The following ANKRD10 variants were observed in gnomAD, a reference collection of about 807,000 sequenced individuals.
The protein encoded by ANKRD10 is ankyrin repeat domain 10.
ANKRD10 carries 14 observed loss-of-function variants against 27.0 expected under a neutral mutation model. That is an observed-to-expected ratio of 0.52 (90% confidence interval 0.34 to 0.81). The LOEUF is 0.81. Ranked by LOEUF, ANKRD10 falls within the 40% of genes least tolerant of loss-of-function variation. The pLI is 0.01. For synonymous variants in ANKRD10, 250 were observed against 224.5 expected (o/e 1.11, Z -1.01); for missense variants, 493 against 544.0 (o/e 0.91, Z 0.93).
intron 4 of ANKRD10, among the ~76,000 whole-genome samples, chr13:110,887,428 C>T (rs542080130): frequency 2.6e-5 from 4 of 152,306 alleles, no homozygotes; most frequent in East Asian, 1.9e-4. Context: ...CACTCCAGTG[C>T]ACCACTCATA....
intron 3 of ANKRD10, among the ~76,000 whole-genome samples, chr13:110,902,262 T>C (rs2065406328): frequency 6.6e-6 from 1 of 152,156 alleles, no homozygotes; most frequent in Non-Finnish European, 1.5e-5. Flanking sequence ...GGTTACATTT[T>C]GCTAAGGGCA....
At chr13:110,891,248 A>G (rs1395803097) in intron 4 of ANKRD10, among the ~76,000 whole-genome samples, 1 of 152,226 alleles carries the variant, frequency 6.6e-6, no homozygotes, top group Admixed American at 6.5e-5. Context: ...CCAGGCTTTA[A>G]TTAAAGGAAA....
At chr13:110,904,346 T>C (rs2065467786) in intron 3 of ANKRD10, 1 of 151,974 alleles carries the variant, frequency 6.6e-6, no homozygotes, top group Non-Finnish European at 1.5e-5. Flanking sequence ...GAGGGCCCTG[T>C]AACCAAGGAC....
At chr13:110,913,597 A>G (rs1353120419) in intron 1 of ANKRD10, among the ~76,000 whole-genome samples, 1 of 152,212 alleles carries the variant, frequency 6.6e-6, no homozygotes, top group African/African-American at 2.4e-5. Context: ...TCCAAAAGAC[A>G]CAGCTGCTTT....
chr13:110,893,870 G>T (rs1432660207), intron 3 of ANKRD10, among the ~76,000 whole-genome samples: 1 of 152,182 alleles, frequency 6.6e-6, no homozygotes, highest in Non-Finnish European at 1.5e-5. Context: ...AAACCTGCAG[G>T]AGTATTGTAT....
chr13:110,886,289 T>C (rs1330319870), intron 4 of ANKRD10, among the ~76,000 whole-genome samples: 1 of 152,258 alleles, frequency 6.6e-6, no homozygotes, highest in Non-Finnish European at 1.5e-5. Context: ...ACTGCTCCAT[T>C]GAGTAGATGC....
At chr13:110,908,767 G>A (rs1313854282) in intron 2 of ANKRD10, among the ~76,000 whole-genome samples, 1 of 152,088 alleles carries the variant, frequency 6.6e-6, no homozygotes, top group African/African-American at 2.4e-5. Flanking sequence ...ATAATAGAGT[G>A]AGATGATGCC....
intron 4 of ANKRD10, among the ~76,000 whole-genome samples, chr13:110,890,519 C>G (rs541089129): frequency 6.6e-6 from 1 of 152,224 alleles, no homozygotes; most frequent in African/African-American, 2.4e-5. Context: ...AAAGACAGAA[C>G]CATCAGAAGT....
chr13:110,902,239 A>G (rs2065406038), intron 3 of ANKRD10, among the ~76,000 whole-genome samples: 1 of 152,130 alleles, frequency 6.6e-6, no homozygotes. Context: ...ATGAATAGCT[A>G]AAAGTAAATC....
rs10553815 is a variant in ANKRD10, at chr13:110,891,871, CTTTTTTT to C, written c.691+1150_691+1156del. Among the ~76,000 whole-genome samples the C allele has an allele frequency of 2.4e-4, 29 of 121,240 alleles. 1 individual carries two copies. Among genetic ancestry groups the C allele is most frequent in the African/African-American group, 4.0e-4 (13 of 32,230 alleles). The allele number at this position is 121,240 out of a possible 152,430, so 79.5% of individuals were successfully genotyped here. A position where few individuals can be genotyped will look rare whatever the true frequency, so the allele number is the denominator to read the frequency against. ...TATCACATTTACCTTCTTATTAAGA[CTTTTTTT>C]TTTTTTTTTTTTTAAATAGAGACAA... On this transcript the variant is annotated intron_variant, in intron 4 of 5. Coordinates refer to ENST00000267339, the MANE Select transcript of ANKRD10 (RefSeq NM_017664.4).
At chr13:110,900,346 C>T (rs2065349283) in intron 3 of ANKRD10, among the ~76,000 whole-genome samples, 1 of 152,018 alleles carries the variant, frequency 6.6e-6, no homozygotes, top group Non-Finnish European at 1.5e-5. Flanking sequence ...TGCCATGTGA[C>T]AATAAAAGAT....
Position 110,883,708 on chromosome 13 carries a change from A to G in ANKRD10, c.777T>C (p.Ala259=). The G allele has an allele frequency of 6.2e-7, 1 of 1,614,182 alleles. No homozygotes were observed. Among genetic ancestry groups the G allele is most frequent in the Non-Finnish European group, 8.5e-7 (1 of 1,180,014 alleles). ...ADKMHVDREF[A]VVTDMKNSSS... is the part of the protein sequence containing the mutation. ...ACTGTCCACTCCCACCTGTTACAAC[A>G]GCAAACTCCCTATCAACGTGCATTT... Residue 259 remains alanine (A), a synonymous_variant, in exon 5 of 6, where the codon GCT becomes GCC. Coordinates refer to ENST00000267339, the MANE Select transcript of ANKRD10 (RefSeq NM_017664.4).
chr13:110,911,793 C>A (rs562771293), intron 1 of ANKRD10: 2 of 152,296 alleles, frequency 1.3e-5, no homozygotes, highest in African/African-American at 4.8e-5. Context: ...AAACAAAAAA[C>A]AACAACAAAA....
intron 3 of ANKRD10, chr13:110,894,212 A>C: frequency 3.8e-6 from 6 of 1,597,222 alleles, no homozygotes; most frequent in Non-Finnish European, 5.1e-6. Context: ...CCTGTAAAAA[A>C]GCAGACATCC....
Position 110,914,971 on chromosome 13 carries a change from G to A in ANKRD10, c.-37C>T. The A allele has an allele frequency of 6.6e-7, 1 of 1,517,286 alleles. No homozygotes were observed. The highest frequency in any genetic ancestry group is 8.8e-7 in the Non-Finnish European group (1 of 1,137,640). 94.0% of individuals were successfully genotyped at this position (1,517,286 alleles called of 1,614,324 possible). A position where few individuals can be genotyped will look rare whatever the true frequency, so the allele number is the denominator to read the frequency against. ...GGAGAGCGCGGGGCTCGCTGGCCTAGAGGACGCGTCGGGGAGGACTCGAGA... is the reference window on the plus strand; with the variant it reads ...GGAGAGCGCGGGGCTCGCTGGCCTAAAGGACGCGTCGGGGAGGACTCGAGA... On this transcript the variant is annotated 5_prime_UTR_variant, in exon 1 of 6. Transcript: ENST00000267339.
At chr13:110,891,234 C>T (rs1332662838) in intron 4 of ANKRD10, among the ~76,000 whole-genome samples, 1 of 152,156 alleles carries the variant, frequency 6.6e-6, no homozygotes, top group Non-Finnish European at 1.5e-5. Context: ...CTCTACAATA[C>T]TAACCAGGCT....
At chr13:110,883,572 G>T in intron 5 of ANKRD10, 126 bp downstream of exon 5, 3 of 1,426,334 alleles carry the variant, frequency 2.1e-6, no homozygotes, top group Non-Finnish European at 2.8e-6. Flanking sequence ...CAACGACAGG[G>T]GGTCTGCATT....
intron 3 of ANKRD10, chr13:110,905,063 G>A (rs2065491104): frequency 6.6e-6 from 1 of 152,062 alleles, no homozygotes; most frequent in African/African-American, 2.4e-5. Context: ...AAGTCTAAAT[G>A]TTCACATTTC....
chr13:110,908,914 T>A (rs1389913519), intron 2 of ANKRD10, among the ~76,000 whole-genome samples: 3 of 152,212 alleles, frequency 2.0e-5, no homozygotes, highest in Non-Finnish European at 4.4e-5. Context: ...TCTACCCGGA[T>A]ACTTCAAATA....
Sources: gnomAD v4.1 joint callset for allele counts (sites outside exome capture counted in the v4.1 genomes callset) on GRCh38, gnomAD v4.1.1 for gene constraint, MANE v1.5 for transcripts, NCBI Gene and HGNC (gene_info 2026-07-23, HGNC 2026-07-21) for gene names.